The following PARD3B variants were observed in gnomAD, a reference collection of about 807,000 sequenced individuals.
PARD3B encodes par-3 family cell polarity regulator beta, also known as partitioning defective 3 homolog B.
In PARD3B, 103 loss-of-function variants were observed where a neutral mutation model predicts 130.2. That is an observed-to-expected ratio of 0.79 (90% CI 0.67 to 0.93). The LOEUF is 0.93. PARD3B is among the 40% of genes least tolerant of loss of function. The pLI is 0.00. For missense variants in PARD3B, 1,609 were observed against 1,499.2 expected (o/e 1.07, Z -1.21); for synonymous variants, 583 against 553.2 (o/e 1.05, Z -0.76).
Position 204,916,834 on chromosome 2 carries a change from C to G in PARD3B, c.223-48318C>G, listed in dbSNP as rs180883181. Among the ~76,000 whole-genome samples the G allele has an allele frequency of 4.1e-4, 63 of 152,194 alleles. 1 individual carries two copies. Among genetic ancestry groups the G allele is most frequent in the Admixed American group, 2.4e-3 (37 of 15,284 alleles). ...CTTATGATACTAAGCCACTCTTGAG[C>G]TTTTACAATATGAATTAAATTTCAG... On this transcript the variant is annotated intron_variant, in intron 2 of 22. Transcript: ENST00000406610.
intron 2 of PARD3B, among the ~76,000 whole-genome samples, chr2:204,860,461 G>A (rs1365141765): frequency 6.6e-6 from 1 of 152,218 alleles, no homozygotes; most frequent in Non-Finnish European, 1.5e-5. Context: ...CTGGCAGATG[G>A]CATGGACTAT....
chr2:204,718,071 G>A (rs1353823019), intron 2 of PARD3B, among the ~76,000 whole-genome samples: 4 of 152,078 alleles, frequency 2.6e-5, no homozygotes, highest in Admixed American at 2.6e-4. Context: ...AACCCGAGGG[G>A]AGAAAGGCAC....
intron 6 of PARD3B, among the ~76,000 whole-genome samples, chr2:205,114,192 C>T (rs565196326): frequency 2.6e-5 from 4 of 152,126 alleles, no homozygotes; most frequent in African/African-American, 7.2e-5. Context: ...CATTGTAGAT[C>T]GTATCAACAC....
At position 204,623,536 on chromosome 2, in the gene PARD3B, A is replaced by G. The variant is rs1035438235; in HGVS notation, c.121-62645A>G. 6.6e-6 allele frequency among the ~76,000 whole-genome samples: 1 copy of G among 152,158 alleles called. No individual in the cohort carries two copies. Among genetic ancestry groups the G allele is most frequent in the Non-Finnish European group, 1.5e-5 (1 of 68,022 alleles). On this transcript the variant is annotated intron_variant, in intron 1 of 22. Coordinates refer to ENST00000406610, the MANE Select transcript of PARD3B (RefSeq NM_001302769.2). The surrounding 1 kb of genome is among the most constrained non-coding windows in gnomAD (Gnocchi z 4.5). ...GTGTGTTGTGTAACTGAAATTATGCAGTCCATGACCTTTTGAGAATGACTT... is the reference window on the plus strand; with the variant it reads ...GTGTGTTGTGTAACTGAAATTATGCGGTCCATGACCTTTTGAGAATGACTT...
chr2:205,100,253 A>AAAC (rs1702674669), intron 4 of PARD3B, among the ~76,000 whole-genome samples: 1 of 152,172 alleles, frequency 6.6e-6, no homozygotes, highest in Non-Finnish European at 1.5e-5. Flanking sequence ...TAATGATATA[A>AAAC]AACTTTATAG....
intron 2 of PARD3B, among the ~76,000 whole-genome samples, chr2:204,727,380 A>G (rs2039283237): frequency 6.6e-6 from 1 of 152,200 alleles, no homozygotes; most frequent in African/African-American, 2.4e-5. Context: ...GCTATATAGG[A>G]GACTACATGT....
intron 2 of PARD3B, among the ~76,000 whole-genome samples, chr2:204,910,382 T>G (rs1226395775): frequency 2.0e-5 from 3 of 152,082 alleles, no homozygotes; most frequent in African/African-American, 7.2e-5. Flanking sequence ...GAAGCAAAGT[T>G]TGGGAAGCAG....
rs1336098572 is a variant in PARD3B at position 204,967,677 on chromosome 2, A to G, written c.394+2354A>G. 1.3e-5 allele frequency among the ~76,000 whole-genome samples: 2 copies of G among 152,364 alleles called. No homozygotes were observed. Among genetic ancestry groups the G allele is most frequent in the South Asian group, 4.1e-4 (2 of 4,830 alleles). ...GGAACTTAAAAAGCAAAGAAAAAAC[A>G]TATTTGTCAGGTTTTTCAGATAGCG... On this transcript the variant is annotated intron_variant, in intron 3 of 22. Coordinates refer to ENST00000406610, the MANE Select transcript of PARD3B (RefSeq NM_001302769.2). This position sits in a 1 kb window ranked among gnomAD's most constrained non-coding sequence, Gnocchi z 4.4.
chr2:204,903,681 T>A (rs76868223), intron 2 of PARD3B, among the ~76,000 whole-genome samples: 7,368 of 152,256 alleles, frequency 0.048, 349 homozygotes, highest in African/African-American at 0.12. Context: ...TTAATATGAT[T>A]GAGACTATCT....
At chr2:205,442,898 G>C (rs965113094) in intron 20 of PARD3B, among the ~76,000 whole-genome samples, 8 of 152,038 alleles carry the variant, frequency 5.3e-5, no homozygotes, top group African/African-American at 1.4e-4. Context: ...GTTACTTTTG[G>C]CTCTGACCCC....
intron 1 of PARD3B, among the ~76,000 whole-genome samples, chr2:204,629,207 T>C (rs2034593387): frequency 6.6e-6 from 1 of 152,178 alleles, no homozygotes. Flanking sequence ...TTTGAAATCC[T>C]ATAGAAACTT....
At chr2:205,004,802 A>G (rs1471605306) in intron 3 of PARD3B, among the ~76,000 whole-genome samples, 1 of 152,196 alleles carries the variant, frequency 6.6e-6, no homozygotes, top group African/African-American at 2.4e-5. Context: ...GAAATGAGAG[A>G]TGTGCTATTC....
intron 2 of PARD3B, among the ~76,000 whole-genome samples, chr2:204,947,018 C>A (rs1273512314): frequency 1.3e-5 from 2 of 152,138 alleles, no homozygotes; most frequent in Non-Finnish European, 2.9e-5. Context: ...TGAGGCCCAC[C>A]CACTTTGGGA....
chr2:205,069,211 TA>T lies in PARD3B; in HGVS notation c.504+21523del, dbSNP rs375507410. ...GTCTACAGTTCTCTATCCATATTAG[TA>T]ATTTTTCATTAAATCCTATTTTGCC... On this transcript the variant is annotated intron_variant, in intron 4 of 22. Coordinates refer to ENST00000406610, the MANE Select transcript of PARD3B (RefSeq NM_001302769.2). 1.8e-4 allele frequency among the ~76,000 whole-genome samples: 28 copies of T among 152,270 alleles called. No individual in the cohort carries two copies. In the East Asian group the frequency reaches 5.4e-3, roughly 29 times the overall value.
intron 2 of PARD3B, among the ~76,000 whole-genome samples, chr2:204,876,888 C>T (rs2045865027): frequency 6.6e-6 from 1 of 152,270 alleles, no homozygotes; most frequent in Non-Finnish European, 1.5e-5. Context: ...AACTGAAGTA[C>T]AGTGGACCCT....
At chr2:205,457,237 G>A (rs529510272) in intron 20 of PARD3B, among the ~76,000 whole-genome samples, 1 of 151,952 alleles carries the variant, frequency 6.6e-6, no homozygotes, top group East Asian at 1.9e-4. Flanking sequence ...CTAGGAGTTG[G>A]TCCATTTTAA....
intron 2 of PARD3B, among the ~76,000 whole-genome samples, chr2:204,880,623 C>T (rs1337221019): frequency 1.4e-5 from 2 of 138,630 alleles, no homozygotes; most frequent in Non-Finnish European, 3.0e-5. Flanking sequence ...CATGCCACTG[C>T]ACTCCAGCCT....
chr2:205,550,988 C>T lies in PARD3B; in HGVS notation c.3181-2336C>T, dbSNP rs1326831229. Among the ~76,000 whole-genome samples the T allele has an allele frequency of 4.3e-4, 45 of 104,496 alleles. No homozygotes were observed. The highest frequency in any genetic ancestry group is 1.0e-3 in the African/African-American group (29 of 28,830). 68.6% of individuals were successfully genotyped at this position (104,496 alleles called of 152,430 possible). A position where few individuals can be genotyped will look rare whatever the true frequency, so the allele number is the denominator to read the frequency against. ...ATATATATATATATACACACACACA[C>T]ACACACACACACACATAATCTGTTC... is the stretch of plus-strand genomic sequence containing the variant. On this transcript the variant is annotated intron_variant, in intron 21 of 22. Transcript: ENST00000406610. The surrounding 1 kb of genome is among the most constrained non-coding windows in gnomAD (Gnocchi z 4.5).
At chr2:204,633,824 A>T (rs1472435520) in intron 1 of PARD3B, among the ~76,000 whole-genome samples, 1 of 152,234 alleles carries the variant, frequency 6.6e-6, no homozygotes, top group South Asian at 2.1e-4. Flanking sequence ...AAAAACATAT[A>T]TTTTTAAACT....
Sources: gnomAD v4.1 joint callset for allele counts (sites outside exome capture counted in the v4.1 genomes callset) on GRCh38, gnomAD v4.1.1 for gene constraint, Gnocchi (gnomAD v3.1) non-coding constraint, MANE v1.5 for transcripts, NCBI Gene and HGNC (gene_info 2026-07-23, HGNC 2026-07-21) for gene names.